Variants in POTEM observed in about 807,000 individuals in gnomAD.
POTEM encodes putative POTE ankyrin domain family member M.
For synonymous variants in POTEM, 8 were observed against 113.2 expected (o/e 0.07, Z 5.90); for missense variants, 24 against 343.0 (o/e 0.07, Z 7.35).
At chr14:18,980,735 AAAGT>A (rs1372654197) in intron 6 of POTEM, 1 of 132,564 alleles carries the variant, frequency 7.5e-6, no homozygotes, top group East Asian at 2.1e-4. Flanking sequence ...TAAAAAACTA[AAAGT>A]AAGGAATTTT....
In POTEM at chr14:18,969,060, G is replaced by A. The variant is rs1440087485; in HGVS notation, c.521+1054G>A. On this transcript the variant is annotated intron_variant, in intron 1 of 10. Transcript: ENST00000547889. ...GACATCAATGAATAAAACAGAACAG[G>A]AAATTTAGAAATACCGAAATATATG... Among the ~76,000 whole-genome samples the A allele has an allele frequency of 6.1e-5, 9 of 148,718 alleles. No individual in the cohort carries two copies. In the East Asian group the frequency reaches 1.4e-3, roughly 23 times the overall value.
intron 9 of POTEM, among the ~76,000 whole-genome samples, chr14:18,995,067 T>C (rs1367710506): frequency 1.1e-4 from 9 of 79,768 alleles, no homozygotes; most frequent in African/African-American, 4.1e-4. Flanking sequence ...TTCTTGTAGG[T>C]TATAGATACT....
intron 1 of POTEM, among the ~76,000 whole-genome samples, chr14:18,968,828 A>AAAG (rs1265702318): frequency 6.6e-6 from 1 of 152,216 alleles, no homozygotes; most frequent in African/African-American, 2.4e-5. Flanking sequence ...GTCTCAAAAA[A>AAAG]AAAAAAAAAA....
intron 1 of POTEM, among the ~76,000 whole-genome samples, chr14:18,969,174 G>T (rs1286040873): frequency 2.2e-5 from 3 of 134,722 alleles, no homozygotes; most frequent in Admixed American, 1.5e-4. Flanking sequence ...AAACTAGCTA[G>T]ATGTTTATAT....
chr14:18,969,313 A>ATG (rs1890845779), intron 1 of POTEM, among the ~76,000 whole-genome samples: 1 of 65,826 alleles, frequency 1.5e-5, no homozygotes, highest in Non-Finnish European at 2.8e-5. Flanking sequence ...ATACGTATAT[A>ATG]TATGTATATA....
intron 1 of POTEM, among the ~76,000 whole-genome samples, chr14:18,968,936 G>C (rs1268069246): frequency 6.7e-6 from 1 of 149,348 alleles, no homozygotes. Context: ...ATTGTGCTAA[G>C]TTAATTTTTT....
Position 19,002,872 on chromosome 14 carries a change from G to A in POTEM, c.*4207G>A, listed in dbSNP as rs1891410145. On this transcript the variant is annotated 3_prime_UTR_variant, in exon 11 of 11. Coordinates refer to ENST00000547889, the MANE Select transcript of POTEM (RefSeq NM_001145442.1). ...GCTTTACTTGCACTGACAGCACACA[G>A]GAGGGCAGCACACACCCCAACCCAC... Among the ~76,000 whole-genome samples the A allele has an allele frequency of 2.0e-5, 3 of 152,418 alleles. No individual in the cohort carries two copies. In the South Asian group the frequency reaches 6.2e-4, roughly 32 times the overall value.
chr14:18,991,430 G>A (rs1307196595), intron 9 of POTEM, among the ~76,000 whole-genome samples: 2 of 49,642 alleles, frequency 4.0e-5, no homozygotes, highest in African/African-American at 6.9e-5. Context: ...TCCTACTTTG[G>A]TTAATGGCAA....
rs1386112846 is a variant in POTEM at position 19,002,839 on chromosome 14, T to C, written c.*4174T>C. On this transcript the variant is annotated 3_prime_UTR_variant, in exon 11 of 11. Transcript: ENST00000547889. ...ACTTTGCTGTGTGTGTTTACACAGGTGGATTTTGCTTTACTTGCACTGACA... is the reference window on the plus strand; with the variant it reads ...ACTTTGCTGTGTGTGTTTACACAGGCGGATTTTGCTTTACTTGCACTGACA... Among the ~76,000 whole-genome samples, 47 of 152,144 alleles carry C rather than the reference T, an allele frequency of 3.1e-4. No homozygotes were observed. Among genetic ancestry groups the C allele is most frequent in the African/African-American group, 1.0e-3 (42 of 41,340 alleles).
intron 1 of POTEM, among the ~76,000 whole-genome samples, chr14:18,968,705 C>T: frequency 6.6e-6 from 1 of 152,324 alleles, no homozygotes; most frequent in African/African-American, 2.4e-5. Flanking sequence ...CACCTGTAGT[C>T]CCAGCTACTC....
intron 3 of POTEM, chr14:18,974,745 T>TTTTTG: frequency 4.0e-6 from 1 of 247,446 alleles, no homozygotes; most frequent in Admixed American, 5.6e-5. Context: ...AATCTGACTT[T>TTTTTG]TTTTTTTTTT....
chr14:18,969,358 T>TG (rs1555341475), intron 1 of POTEM, among the ~76,000 whole-genome samples: 2 of 25,042 alleles, frequency 8.0e-5, no homozygotes, highest in Non-Finnish European at 1.3e-4. Context: ...TATACATGTG[T>TG]ATATATATAT....
intron 1 of POTEM, among the ~76,000 whole-genome samples, chr14:18,968,650 C>A (rs1479106778): frequency 6.8e-6 from 1 of 146,898 alleles, no homozygotes; most frequent in Non-Finnish European, 1.5e-5. Flanking sequence ...GAAACCCCGT[C>A]TCTACTAAAA....
intron 1 of POTEM, among the ~76,000 whole-genome samples, chr14:18,971,770 T>TA: frequency 2.3e-5 from 1 of 43,896 alleles, no homozygotes; most frequent in South Asian, 6.9e-4. Context: ...AAATCCATTT[T>TA]AAAAAGAGAA....
At chr14:18,968,823 A>G (rs1890827350) in intron 1 of POTEM, among the ~76,000 whole-genome samples, 1 of 3,192 alleles carries the variant, frequency 3.1e-4, no homozygotes, top group Non-Finnish European at 8.9e-4. Flanking sequence ...ACTCCGTCTC[A>G]AAAAAAAAAA....
Position 19,002,930 on chromosome 14 carries a change from C to A in POTEM, c.*4265C>A, listed in dbSNP as rs1312696028. Among the ~76,000 whole-genome samples the A allele has an allele frequency of 6.6e-6, 1 of 152,270 alleles. No individual in the cohort carries two copies. The highest frequency in any genetic ancestry group is 2.4e-5 in the African/African-American group (1 of 41,470). ...GCCATTAAAGAAAAGAAATTTCAGC[C>A]CATAATTTCATGTCCAGCAAAATTA... On this transcript the variant is annotated 3_prime_UTR_variant, in exon 11 of 11. Transcript: ENST00000547889.
At chr14:18,969,254 A>G (rs1890840275) in intron 1 of POTEM, among the ~76,000 whole-genome samples, 2 of 132,624 alleles carry the variant, frequency 1.5e-5, no homozygotes, top group African/African-American at 6.1e-5. Flanking sequence ...AGAAAACACA[A>G]GTGCCTATTT....
intron 9 of POTEM, among the ~76,000 whole-genome samples, chr14:18,996,110 G>A (rs1272418842): frequency 1.3e-5 from 2 of 151,624 alleles, no homozygotes; most frequent in East Asian, 1.9e-4. Context: ...CAATTTGGAT[G>A]CCCTTTATTT....
chr14:18,969,306 CGT>C (rs1491481117), intron 1 of POTEM, among the ~76,000 whole-genome samples: 11 of 45,600 alleles, frequency 2.4e-4, no homozygotes, highest in South Asian at 7.2e-4. Context: ...TATGTATATA[CGT>C]ATATATATGT....
Sources: gnomAD v4.1 joint callset for allele counts (sites outside exome capture counted in the v4.1 genomes callset) on GRCh38, gnomAD v4.1.1 for gene constraint, MANE v1.5 for transcripts, NCBI Gene and HGNC (gene_info 2026-07-23, HGNC 2026-07-21) for gene names.